Variants in EBF1 observed in about 807,000 individuals in gnomAD.
The protein encoded by EBF1 is EBF transcription factor 1.
EBF1 carries 10 observed loss-of-function variants against 68.4 expected under a neutral mutation model. That is an observed-to-expected ratio of 0.15 (90% CI 0.09 to 0.25). The LOEUF (loss-of-function observed/expected upper bound fraction) is 0.25. Among genes scored for constraint, EBF1 ranks in the 10% least tolerant of loss-of-function variants. The pLI, the probability that EBF1 is intolerant of heterozygous loss-of-function variation, is 1.00. For missense variants in EBF1, 509 were observed against 794.4 expected, an observed-to-expected ratio of 0.64 and a Z score of 4.32; for synonymous variants, 298 against 299.8, an observed-to-expected ratio of 0.99 and a Z score of 0.06.
chr5:158,930,703 C>T (rs530972121), intron 6 of EBF1, among the ~76,000 whole-genome samples: 1 of 152,258 alleles, frequency 6.6e-6, no homozygotes, highest in South Asian at 2.1e-4. Context: ...AATGCTTGTT[C>T]ACATTTCTAA....
At chr5:158,977,495 C>T (rs1233431595) in intron 6 of EBF1, among the ~76,000 whole-genome samples, 2 of 152,122 alleles carry the variant, frequency 1.3e-5, no homozygotes, top group East Asian at 3.8e-4. Flanking sequence ...TAAAAATGAA[C>T]AGAATATTCC....
rs890919492 is a variant in EBF1, at chr5:159,094,179, A to C, written c.411+1441T>G. On this transcript the variant is annotated intron_variant, in intron 4 of 15. Transcript: ENST00000313708. The stretch of plus-strand genomic sequence containing the variant: ...GCCTTGGAAGGCAAAAAAAAAAAAA[A>C]AAAAAAAAAAAAAAACACAGTGTCC... Among the ~76,000 whole-genome samples, 14 of 143,524 alleles carry C rather than the reference A, an allele frequency of 9.8e-5. No homozygotes were observed. In the South Asian group the frequency reaches 1.3e-3, roughly 13 times the overall value. 94.2% of individuals were successfully genotyped at this position (143,524 alleles called of 152,430 possible).
chr5:159,039,387 T>G (rs180800298), intron 6 of EBF1, among the ~76,000 whole-genome samples: 1 of 152,396 alleles, frequency 6.6e-6, no homozygotes, highest in African/African-American at 2.4e-5. Flanking sequence ...TATTTATTTT[T>G]CACAGCATGT....
At chr5:158,792,468 C>T (rs917266237) in intron 9 of EBF1, among the ~76,000 whole-genome samples, 1 of 152,066 alleles carries the variant, frequency 6.6e-6, no homozygotes. Flanking sequence ...GTCTGTTAAG[C>T]CAGCCTGATT....
At chr5:158,700,832 A>G (rs1393316958) in intron 15 of EBF1, among the ~76,000 whole-genome samples, 1 of 152,140 alleles carries the variant, frequency 6.6e-6, no homozygotes, top group East Asian at 1.9e-4. Flanking sequence ...GTAAGCCCTC[A>G]TAAGCCTTTT....
chr5:158,967,547 A>G (rs1754422622), intron 6 of EBF1, among the ~76,000 whole-genome samples: 1 of 152,146 alleles, frequency 6.6e-6, no homozygotes, highest in South Asian at 2.1e-4. Context: ...TATCGAGTAT[A>G]TGTTTGGAAG....
chr5:158,828,954 G>T (rs1001737298), intron 7 of EBF1, among the ~76,000 whole-genome samples: 1 of 152,192 alleles, frequency 6.6e-6, no homozygotes, highest in African/African-American at 2.4e-5. Context: ...TATACTGTAT[G>T]ATTCCAACTA....
At chr5:158,851,196 G>A (rs1792573767) in intron 6 of EBF1, among the ~76,000 whole-genome samples, 1 of 151,444 alleles carries the variant, frequency 6.6e-6, no homozygotes, top group African/African-American at 2.4e-5. Context: ...CCAACATGGT[G>A]AAACCTCGTC....
At chr5:158,732,163 C>T (rs541757983) in intron 10 of EBF1, among the ~76,000 whole-genome samples, 16 of 152,134 alleles carry the variant, frequency 1.1e-4, no homozygotes, top group Middle Eastern at 3.4e-3. Flanking sequence ...TCAAAGTGCT[C>T]AACCATGTAT....
chr5:159,078,550 C>G (rs1244701779), intron 5 of EBF1, among the ~76,000 whole-genome samples: 1 of 152,190 alleles, frequency 6.6e-6, no homozygotes, highest in Non-Finnish European at 1.5e-5. Flanking sequence ...GGCACTGTAC[C>G]AGGCACAGAC....
intron 11 of EBF1, among the ~76,000 whole-genome samples, chr5:158,728,177 G>A (rs993702882): frequency 1.3e-5 from 2 of 152,066 alleles, no homozygotes; most frequent in Non-Finnish European, 1.5e-5. Context: ...TTGAACTCTC[G>A]CTCCACTTTA....
intron 6 of EBF1, among the ~76,000 whole-genome samples, chr5:158,998,891 C>A (rs1761974656): frequency 2.0e-5 from 3 of 152,088 alleles, no homozygotes; most frequent in Admixed American, 6.6e-5. Flanking sequence ...TGTGCCGGAT[C>A]GCGATGTATA....
intron 6 of EBF1, among the ~76,000 whole-genome samples, chr5:158,980,486 G>A (rs938876251): frequency 2.6e-5 from 4 of 152,172 alleles, no homozygotes; most frequent in African/African-American, 7.2e-5. Flanking sequence ...TCCATGGCGT[G>A]AACAGGAATT....
At chr5:158,955,937 G>T (rs188109333) in intron 6 of EBF1, among the ~76,000 whole-genome samples, 12 of 152,102 alleles carry the variant, frequency 7.9e-5, no homozygotes, top group African/African-American at 2.9e-4. Context: ...CTTTGTTTAT[G>T]CAACAAATAC....
intron 6 of EBF1, among the ~76,000 whole-genome samples, chr5:159,032,180 CATTA>C (rs1769052155): frequency 6.6e-6 from 1 of 152,150 alleles, no homozygotes; most frequent in African/African-American, 2.4e-5. Flanking sequence ...CTTATTTATA[CATTA>C]ATTTGTGCCA....
In EBF1 at chr5:158,696,483, G is replaced by GTTCATTC. The variant is rs1755782038; in HGVS notation, c.*2621_*2627dup. 1 of 223,414 alleles carries GTTCATTC rather than the reference G, an allele frequency of 4.5e-6. No individual in the cohort carries two copies. Among genetic ancestry groups the GTTCATTC allele is most frequent in the African/African-American group, 2.2e-5 (1 of 44,788 alleles). The allele number at this position is 223,414 out of a possible 1,614,324, so 13.8% of individuals were successfully genotyped here. ...AAGCCGGACACCTTCCCGGCTGACCGTTCATTCCTTCAGAAACAGTTAAGG... is the reference window on the plus strand; with the variant it reads ...AAGCCGGACACCTTCCCGGCTGACCGTTCATTCTTCATTCCTTCAGAAACAGTTAAGG... On this transcript the variant is annotated 3_prime_UTR_variant, in exon 16 of 16. Transcript: ENST00000313708.
chr5:158,724,635 G>A (rs970210298), intron 11 of EBF1, among the ~76,000 whole-genome samples: 1 of 152,208 alleles, frequency 6.6e-6, no homozygotes, highest in African/African-American at 2.4e-5. Context: ...ATGCTCTTTA[G>A]GGAGGGTGAT....
At chr5:158,798,339 T>A (rs1331354775) in intron 8 of EBF1, among the ~76,000 whole-genome samples, 2 of 152,314 alleles carry the variant, frequency 1.3e-5, no homozygotes, top group East Asian at 3.9e-4. Flanking sequence ...ACCCTGAGAT[T>A]ACCCACACAG....
At chr5:159,095,793 G>T (rs1782497943) in intron 3 of EBF1, 118 bp from the exon 4 acceptor site, 3 of 1,024,728 alleles carry the variant, frequency 2.9e-6, no homozygotes, top group East Asian at 2.5e-5. Flanking sequence ...TATCACGAAA[G>T]GGGCTCCAAG....
Sources: allele counts gnomAD v4.1 joint callset (sites outside exome capture counted in the v4.1 genomes callset), GRCh38; gene constraint gnomAD v4.1.1; transcripts MANE v1.5; gene names NCBI Gene and HGNC (gene_info 2026-07-23, HGNC 2026-07-21).